The following HTR2C variants were observed in gnomAD, a reference collection of about 807,000 sequenced individuals.
HTR2C encodes 5-hydroxytryptamine (serotonin) receptor 2C, G protein-coupled.
HTR2C carries 5 observed loss-of-function variants against 21.0 expected under a neutral mutation model. The observed-to-expected ratio is 0.24, with a 90% CI of 0.12 to 0.50. The LOEUF is 0.50. Among genes scored for constraint, HTR2C ranks in the 20% least tolerant of loss-of-function variants. The pLI is 0.98. For synonymous variants in HTR2C, 150 were observed against 145.3 expected (o/e 1.03, Z -0.23); for missense variants, 271 against 371.2 (o/e 0.73, Z 2.22).
At chrX:114,716,700 T>G (rs1556419839) in intron 2 of HTR2C, among the ~76,000 whole-genome samples, 1 of 112,030 alleles carries the variant, frequency 8.9e-6, no homozygotes, top group African/African-American at 3.2e-5. Context: ...GTTTTTAGTA[T>G]GACAAATGTA....
At chrX:114,606,999 A>G (rs1480966353) in intron 1 of HTR2C, among the ~76,000 whole-genome samples, 1 of 107,834 alleles carries the variant, frequency 9.3e-6, no homozygotes, top group Admixed American at 9.8e-5. Flanking sequence ...TGGGGGTCGC[A>G]AGGTGCTCAG....
At chrX:114,701,220 C>A (rs1234229810) in intron 2 of HTR2C, among the ~76,000 whole-genome samples, 2 of 112,004 alleles carry the variant, frequency 1.8e-5, no homozygotes, top group Non-Finnish European at 3.8e-5. Flanking sequence ...GTTCTCCCAG[C>A]ACGCAGCTGG....
At chrX:114,855,177 G>A (rs2070949117) in intron 5 of HTR2C, among the ~76,000 whole-genome samples, 1 of 111,041 alleles carries the variant, frequency 9.0e-6, no homozygotes, top group Non-Finnish European at 1.9e-5. Flanking sequence ...AAGTTCTGTG[G>A]CAATGTACAA....
rs1450893689 is a variant in HTR2C at position 114,907,184 on chromosome X, T to C, written c.1146T>C (p.Tyr382=). The C allele has an allele frequency of 8.3e-7, 1 of 1,209,121 alleles. No homozygotes were observed. The highest frequency in any genetic ancestry group is 1.1e-6 in the Non-Finnish European group (1 of 894,616). ...TTTACCGAAGGGCATTCTCCAACTA[T>C]TTGCGTTGCAATTATAAGGTAGAGA... The part of the protein sequence containing the change: ...NKIYRRAFSN[Y]LRCNYKVEKK... Residue 382 remains tyrosine (Y), a synonymous_variant, in exon 6 of 6, where the codon TAT becomes TAC. Coordinates refer to ENST00000276198, the MANE Select transcript of HTR2C (RefSeq NM_000868.4).
intron 5 of HTR2C, among the ~76,000 whole-genome samples, chrX:114,857,927 A>T (rs2070976121): frequency 9.0e-6 from 1 of 111,175 alleles, no homozygotes; most frequent in Non-Finnish European, 1.9e-5. Context: ...CCCTATGTGA[A>T]TATCCAGTTG....
chrX:114,595,346 T>C (rs1927789246), intron 1 of HTR2C, among the ~76,000 whole-genome samples: 1 of 107,427 alleles, frequency 9.3e-6, no homozygotes, highest in Admixed American at 1.0e-4. Context: ...GCCTCTCGAG[T>C]AGCTGGAACT....
chrX:114,587,687 A>G (rs782050298), intron 1 of HTR2C, among the ~76,000 whole-genome samples: 1 of 111,808 alleles, frequency 8.9e-6, no homozygotes, highest in African/African-American at 3.2e-5. Flanking sequence ...GTTGAACCTC[A>G]AAAAGAAATC....
At chrX:114,771,335 A>ATATTTG (rs2147390191) in intron 4 of HTR2C, among the ~76,000 whole-genome samples, 1 of 109,880 alleles carries the variant, frequency 9.1e-6, no homozygotes, top group Non-Finnish European at 1.9e-5. Context: ...TTTTTCTTTG[A>ATATTTG]TATTTGTTTT....
Position 114,907,287 on chromosome X carries a change from C to T in HTR2C, c.1249C>T (p.Arg417Trp). The change falls in exon 6 of 6, where the codon CGG (arginine) becomes TGG (tryptophan). Residue 417 changes from arginine to tryptophan, a missense_variant. Around this residue, in one of 5 missense-constraint regions of HTR2C, gnomAD observed 192 missense variants for 247.2 expected, o/e 0.78. Transcript: ENST00000276198. ...GAGGGAGCTTAATGTTAACATTTAT[C>T]GGCATACCAATGAACCGGTGATCGA... ...SGRELNVNIYRHTNEPVIEKA... is the reference protein window; with the variant it reads ...SGRELNVNIYWHTNEPVIEKA... 1.7e-6 allele frequency: 2 copies of T among 1,210,250 alleles called. No homozygotes were observed. The highest frequency in any genetic ancestry group is 2.2e-6 in the Non-Finnish European group (2 of 894,392).
At chrX:114,729,851 T>A (rs1346747333) in intron 3 of HTR2C, among the ~76,000 whole-genome samples, 1 of 111,427 alleles carries the variant, frequency 9.0e-6, no homozygotes, top group Non-Finnish European at 1.9e-5. Flanking sequence ...ATGTGTTCCA[T>A]CTCCCTAATT....
chrX:114,670,394 C>CAAAAAAAAAA (rs35858180), intron 2 of HTR2C, among the ~76,000 whole-genome samples: 19 of 63,519 alleles, frequency 3.0e-4, no homozygotes, highest in African/African-American at 1.1e-3. Context: ...TACTCTGTCT[C>CAAAAAAAAAA]AAAAAAAAAA....
intron 5 of HTR2C, among the ~76,000 whole-genome samples, chrX:114,865,413 G>A (rs1467298270): frequency 1.8e-5 from 2 of 111,533 alleles, no homozygotes; most frequent in Non-Finnish European, 3.8e-5. Context: ...AGAATGGCAG[G>A]GCTTGTACAA....
intron 5 of HTR2C, among the ~76,000 whole-genome samples, chrX:114,878,620 A>T (rs1298136467): frequency 1.8e-5 from 2 of 110,945 alleles, no homozygotes; most frequent in Non-Finnish European, 3.8e-5. Context: ...AACTCCTAAT[A>T]CATGGGAGTT....
At chrX:114,807,029 C>CATATACACCATATATATACCAT (rs1248243170) in intron 4 of HTR2C, among the ~76,000 whole-genome samples, 1 of 35,417 alleles carries the variant, frequency 2.8e-5, no homozygotes, top group African/African-American at 6.2e-5. Flanking sequence ...CCATATATAC[C>CATATACACCATATATATACCAT]ATATACACCA....
chrX:114,706,654 T>G (rs1170710421), intron 2 of HTR2C, among the ~76,000 whole-genome samples: 1 of 105,358 alleles, frequency 9.5e-6, no homozygotes, highest in Non-Finnish European at 2.0e-5. Flanking sequence ...GGCACATGTA[T>G]ACATATGTAA....
At chrX:114,757,181 TTA>T (rs1426525684) in intron 4 of HTR2C, among the ~76,000 whole-genome samples, 7 of 111,606 alleles carry the variant, frequency 6.3e-5, no homozygotes, top group Admixed American at 1.9e-4. Flanking sequence ...ATAACTAAGG[TTA>T]TAAAAATTTA....
At chrX:114,803,683 G>T (rs1343923609) in intron 4 of HTR2C, among the ~76,000 whole-genome samples, 2 of 102,900 alleles carry the variant, frequency 1.9e-5, no homozygotes, top group Non-Finnish European at 4.0e-5. Flanking sequence ...TCTGTAGGTT[G>T]CCTGTTCACT....
chrX:114,591,446 G>A (rs188489938), intron 1 of HTR2C, among the ~76,000 whole-genome samples: 15 of 111,277 alleles, frequency 1.3e-4, no homozygotes, highest in African/African-American at 3.9e-4. Context: ...AGAATTATGC[G>A]CCCAAATGAC....
chrX:114,763,670 C>A (rs1032242726), intron 4 of HTR2C, among the ~76,000 whole-genome samples: 11 of 110,682 alleles, frequency 9.9e-5, no homozygotes, highest in African/African-American at 1.6e-4. Flanking sequence ...TAGCAGGTAA[C>A]TTGTCAGCCT....
Sources: allele counts gnomAD v4.1 joint callset (sites outside exome capture counted in the v4.1 genomes callset), GRCh38; gene constraint gnomAD v4.1.1; regional missense constraint gnomAD v4.1.1; transcripts MANE v1.5; gene names NCBI Gene and HGNC (gene_info 2026-07-23, HGNC 2026-07-21).